The following GRM5 variants were observed in gnomAD, a reference collection of about 807,000 sequenced individuals.
The protein encoded by GRM5 is metabotropic glutamate receptor 5.
A neutral mutation model predicts 83.1 loss-of-function variants in GRM5; 19 were observed. That is an observed-to-expected ratio of 0.23 (90% CI 0.16 to 0.34). GRM5 has a LOEUF of 0.34. Among genes scored for constraint, GRM5 ranks in the 10% least tolerant of loss-of-function variants. GRM5 has a pLI of 1.00. For synonymous variants in GRM5, 675 were observed against 633.6 expected (o/e 1.07, Z -0.98); for missense variants, 1,160 against 1,588.3 (o/e 0.73, Z 4.58).
At chr11:89,036,147 A>G (rs1941379340) in intron 2 of GRM5, among the ~76,000 whole-genome samples, 1 of 152,118 alleles carries the variant, frequency 6.6e-6, no homozygotes, top group Non-Finnish European at 1.5e-5. Flanking sequence ...CACATCAAAG[A>G]TAACCATGTT....
intron 3 of GRM5, among the ~76,000 whole-genome samples, chr11:88,776,199 C>T (rs1942844742): frequency 1.3e-5 from 2 of 152,086 alleles, no homozygotes; most frequent in Admixed American, 1.3e-4. Context: ...ATGTAATGGC[C>T]TTCTTTGTCT....
At chr11:88,590,225 G>A (rs1937614320) in intron 7 of GRM5, among the ~76,000 whole-genome samples, 1 of 152,252 alleles carries the variant, frequency 6.6e-6, no homozygotes, top group Admixed American at 6.5e-5. Context: ...ATATCTTTTT[G>A]TTCTTGGATA....
intron 3 of GRM5, among the ~76,000 whole-genome samples, chr11:88,655,074 A>G (rs1939732902): frequency 6.6e-6 from 1 of 152,172 alleles, no homozygotes; most frequent in South Asian, 2.1e-4. Flanking sequence ...TAAGTCCTCC[A>G]TGACAAAAAG....
At chr11:88,766,963 A>C (rs1213789913) in intron 3 of GRM5, among the ~76,000 whole-genome samples, 3 of 151,968 alleles carry the variant, frequency 2.0e-5, no homozygotes. Context: ...CAACATCACT[A>C]ATCGTTAGAA....
chr11:88,908,049 T>C (rs1945433692), intron 2 of GRM5, among the ~76,000 whole-genome samples: 1 of 152,118 alleles, frequency 6.6e-6, no homozygotes, highest in Non-Finnish European at 1.5e-5. Flanking sequence ...ACAGAAAACA[T>C]GGGAATATGC....
intron 2 of GRM5, among the ~76,000 whole-genome samples, chr11:88,964,127 T>C (rs1394459226): frequency 6.6e-6 from 1 of 152,140 alleles, no homozygotes; most frequent in Non-Finnish European, 1.5e-5. Context: ...AGTGAATTGA[T>C]TTTGTAACTT....
At chr11:88,708,477 T>G in intron 3 of GRM5, among the ~76,000 whole-genome samples, 1 of 152,100 alleles carries the variant, frequency 6.6e-6, no homozygotes. Flanking sequence ...CTTTGAGGTA[T>G]GAGTATTGTT....
intron 8 of GRM5, among the ~76,000 whole-genome samples, chr11:88,539,617 C>T (rs185719537): frequency 6.6e-6 from 1 of 152,174 alleles, no homozygotes; most frequent in Non-Finnish European, 1.5e-5. Context: ...CCCCCTAATA[C>T]TTATGAAATA....
intron 4 of GRM5, among the ~76,000 whole-genome samples, chr11:88,637,711 T>G (rs1419890213): frequency 1.4e-5 from 2 of 147,306 alleles, no homozygotes; most frequent in East Asian, 2.0e-4. Flanking sequence ...TTGGTGGGAG[T>G]GTAAACTAGT....
At chr11:88,696,937 T>C (rs1940918390) in intron 3 of GRM5, among the ~76,000 whole-genome samples, 1 of 152,222 alleles carries the variant, frequency 6.6e-6, no homozygotes, top group Non-Finnish European at 1.5e-5. Context: ...AAGGTGATGC[T>C]GTATCTCTGT....
At chr11:88,739,385 T>C (rs1941984618) in intron 3 of GRM5, among the ~76,000 whole-genome samples, 1 of 152,112 alleles carries the variant, frequency 6.6e-6, no homozygotes, top group Admixed American at 6.6e-5. Context: ...TAAAGTATTC[T>C]ATAGGCAAAA....
chr11:88,726,527 A>AAAT (rs1195051241), intron 3 of GRM5, among the ~76,000 whole-genome samples: 2 of 152,190 alleles, frequency 1.3e-5, no homozygotes, highest in Non-Finnish European at 2.9e-5. Context: ...CAAATTCAGA[A>AAAT]AATATACAAA....
chr11:89,015,505 C>T (rs180840417), intron 2 of GRM5, among the ~76,000 whole-genome samples: 18 of 152,190 alleles, frequency 1.2e-4, no homozygotes, highest in South Asian at 1.0e-3. Context: ...CAGGTAGTCA[C>T]TCATAAAAAA....
At chr11:88,682,172 G>A (rs1388007670) in intron 3 of GRM5, among the ~76,000 whole-genome samples, 1 of 152,102 alleles carries the variant, frequency 6.6e-6, no homozygotes, top group Non-Finnish European at 1.5e-5. Flanking sequence ...CATCTCTATT[G>A]ATATTGATTC....
intron 2 of GRM5, among the ~76,000 whole-genome samples, chr11:88,995,560 A>C (rs1940158465): frequency 6.6e-6 from 1 of 150,734 alleles, no homozygotes; most frequent in African/African-American, 2.4e-5. Context: ...AAAAAAAAAA[A>C]AAAAAAAAAA....
In GRM5 at chr11:88,902,178, T is replaced by G. The variant is rs181600699; in HGVS notation, c.662-52023A>C. ...TTGTTTTTTTTTTGTTTGTTTGTTT[T>G]TTTAATGAGTTTATCTTTTGAACCT... On this transcript the variant is annotated intron_variant, in intron 2 of 9. Transcript: ENST00000305447. Among the ~76,000 whole-genome samples, 119 of 152,178 alleles carry G rather than the reference T, an allele frequency of 7.8e-4. No homozygotes were observed. In the East Asian group the frequency reaches 0.016, roughly 20 times the overall value.
chr11:88,961,954 T>A (rs931719288), intron 2 of GRM5, among the ~76,000 whole-genome samples: 1 of 152,212 alleles, frequency 6.6e-6, no homozygotes, highest in Non-Finnish European at 1.5e-5. Context: ...ATGGAGCACA[T>A]ACTTTGTGCC....
intron 3 of GRM5, among the ~76,000 whole-genome samples, chr11:88,831,640 C>T (rs1339033177): frequency 1.3e-5 from 2 of 152,322 alleles, no homozygotes; most frequent in East Asian, 1.9e-4. Flanking sequence ...TCCACCACCT[C>T]TCATGGTGCT....
At chr11:88,629,248 C>A (rs1363519650) in intron 4 of GRM5, among the ~76,000 whole-genome samples, 3 of 152,178 alleles carry the variant, frequency 2.0e-5, no homozygotes, top group African/African-American at 7.2e-5. Flanking sequence ...AATAACCAGA[C>A]CTTCTTTAGT....
Sources: allele counts gnomAD v4.1 joint callset (sites outside exome capture counted in the v4.1 genomes callset), GRCh38; gene constraint gnomAD v4.1.1; transcripts MANE v1.5; gene names NCBI Gene and HGNC (gene_info 2026-07-23, HGNC 2026-07-21).